The following CASD1 variants were observed in gnomAD, a reference collection of about 807,000 sequenced individuals.
The protein encoded by CASD1 is N-acetylneuraminate (7)9-O-acetyltransferase.
Under a neutral mutation model 100.0 loss-of-function variants are expected in CASD1, and 41 were observed. That is an observed-to-expected ratio of 0.41 (90% CI 0.32 to 0.53). The LOEUF (loss-of-function observed/expected upper bound fraction) is 0.53, where lower values mean the gene tolerates loss of function less well. Ranked by LOEUF, CASD1 falls within the 20% of genes least tolerant of loss-of-function variation. CASD1 has a pLI of 0.25. For missense variants in CASD1, 774 were observed against 948.7 expected (o/e 0.82, Z 2.42); for synonymous variants, 321 against 315.6 (o/e 1.02, Z -0.18).
At chr7:94,606,858 A>G in the CASD1 span, among the ~76,000 whole-genome samples, 1 of 152,198 alleles carries the variant, frequency 6.6e-6, no homozygotes, top group African/African-American at 2.4e-5. Flanking sequence ...GACTTCAAAA[A>G]TTGCACATGG....
At chr7:94,521,474 G>A (rs1794265319) in intron 3 of CASD1, among the ~76,000 whole-genome samples, 1 of 152,118 alleles carries the variant, frequency 6.6e-6, no homozygotes, top group Admixed American at 6.5e-5. Context: ...CAATTAAAGT[G>A]TTCTAATGTA....
the CASD1 span, chr7:94,586,418 T>C: frequency 2.0e-5 from 3 of 152,200 alleles, no homozygotes; most frequent in East Asian, 5.8e-4. Flanking sequence ...TTCATTTAAA[T>C]GAACAGAATG....
chr7:94,580,464 TTTTC>T, the CASD1 span, among the ~76,000 whole-genome samples: 1 of 152,200 alleles, frequency 6.6e-6, no homozygotes, highest in Admixed American at 6.5e-5. Flanking sequence ...CATCTTAGCA[TTTTC>T]TTTCTTTGAC....
At chr7:94,613,127 C>T in the CASD1 span, among the ~76,000 whole-genome samples, 1 of 152,134 alleles carries the variant, frequency 6.6e-6, no homozygotes, top group Non-Finnish European at 1.5e-5. Context: ...TAAAAACAAA[C>T]GGAACACAGA....
At chr7:94,601,765 A>C in the CASD1 span, among the ~76,000 whole-genome samples, 405 of 152,194 alleles carry the variant, frequency 2.7e-3, 1 homozygote, top group Non-Finnish European at 5.0e-3. Flanking sequence ...AAAAATGAGA[A>C]CTAAATATGA....
At chr7:94,554,385 A>C in intron 16 of CASD1, 98 bp from the exon 17 acceptor site, 1 of 751,354 alleles carries the variant, frequency 1.3e-6, no homozygotes, top group Non-Finnish European at 2.1e-6. Flanking sequence ...TCAAGTTCAC[A>C]AACATAAAGA....
the CASD1 span, among the ~76,000 whole-genome samples, chr7:94,573,525 G>C: frequency 1.3e-5 from 2 of 152,162 alleles, no homozygotes; most frequent in Non-Finnish European, 2.9e-5. Context: ...TTGGCTCCTG[G>C]CTTGGCTGTT....
chr7:94,520,002 A>G (rs1222172027), intron 3 of CASD1, among the ~76,000 whole-genome samples: 1 of 152,238 alleles, frequency 6.6e-6, no homozygotes, highest in Non-Finnish European at 1.5e-5. Flanking sequence ...CCTAGTTGCA[A>G]CACTTAGGTT....
At chr7:94,517,750 T>C in intron 2 of CASD1, 94 bp downstream of exon 2, 2 of 739,466 alleles carry the variant, frequency 2.7e-6, no homozygotes, top group Non-Finnish European at 4.6e-6. Context: ...CATCTCTATG[T>C]TGGGGTAGAG....
chr7:94,627,928 A>G, the CASD1 span: 1 of 377,538 alleles, frequency 2.6e-6, no homozygotes, highest in East Asian at 4.9e-5. Context: ...ATTTTCTCAA[A>G]TAGAATTCAT....
At chr7:94,614,415 A>T in the CASD1 span, among the ~76,000 whole-genome samples, 10 of 152,150 alleles carry the variant, frequency 6.6e-5, no homozygotes, top group African/African-American at 2.4e-4. Context: ...ACAGGTCCCT[A>T]ATGCTTCAGG....
rs1300604427 is a variant in CASD1 at position 94,517,462 on chromosome 7, T to C, written c.134-98T>C. Reference sequence around the variant, plus strand: ...GGCGGTACAGTGAAACAGAGAAAACTCTACTTTTTTATTTCAAGGAACTTA... The same window carrying C: ...GGCGGTACAGTGAAACAGAGAAAACCCTACTTTTTTATTTCAAGGAACTTA... On this transcript the variant is annotated intron_variant, in intron 1 of 17. Transcript: ENST00000297273. 7.3e-6 allele frequency: 5 copies of C among 684,786 alleles called. No homozygotes were observed. The Admixed American group carries it at 1.3e-4, about 18-fold the overall frequency. The allele number at this position is 684,786 out of a possible 1,614,324, so 42.4% of individuals were successfully genotyped here.
intron 8 of CASD1, among the ~76,000 whole-genome samples, chr7:94,536,153 G>T (rs1453557131): frequency 6.6e-6 from 1 of 152,156 alleles, no homozygotes; most frequent in African/African-American, 2.4e-5. Context: ...TGAGGCAGAA[G>T]AATTGCTTGA....
At position 94,555,561 on chromosome 7, in the gene CASD1, A is replaced by G. The variant is rs779498871; in HGVS notation, c.2197A>G (p.Asn733Asp). The G allele has an allele frequency of 1.2e-6, 2 of 1,613,330 alleles. No homozygotes were observed. The highest frequency in any genetic ancestry group is 1.7e-6 in the Non-Finnish European group (2 of 1,179,626). The change falls in exon 18 of 18, where the codon AAC (asparagine) becomes GAC (aspartate). Residue 733 changes from asparagine to aspartate, a missense_variant. Around this residue, in one of 5 missense-constraint regions of CASD1, gnomAD observed 175 missense variants for 206.9 expected, o/e 0.85. Transcript: ENST00000297273. ...TRGILVLIPG[N>D]PMLNIIVSTF... Reference sequence around the variant, plus strand: ...GGGTATCTTGGTACTGATACCTGGAAACCCTATGCTCAACATCATTGTCAG... The same window carrying G: ...GGGTATCTTGGTACTGATACCTGGAGACCCTATGCTCAACATCATTGTCAG...
At chr7:94,620,975 G>C in the CASD1 span, 3 of 152,206 alleles carry the variant, frequency 2.0e-5, no homozygotes, top group Non-Finnish European at 4.4e-5. Flanking sequence ...CAGATTGGTG[G>C]CAGGCCTCTG....
chr7:94,526,053 A>G (rs1367889745), intron 3 of CASD1, among the ~76,000 whole-genome samples: 1 of 152,176 alleles, frequency 6.6e-6, no homozygotes, highest in African/African-American at 2.4e-5. Context: ...GGCTATTTAT[A>G]TACTGTTTTC....
intron 16 of CASD1, 95 bp downstream of exon 16, chr7:94,552,522 T>C (rs1340220738): frequency 9.6e-6 from 8 of 834,196 alleles, no homozygotes; most frequent in Admixed American, 2.6e-5. Flanking sequence ...CTCCAGAAAA[T>C]GTAGAGAAGT....
At chr7:94,617,919 A>G in the CASD1 span, 1 of 152,198 alleles carries the variant, frequency 6.6e-6, no homozygotes, top group African/African-American at 2.4e-5. Flanking sequence ...TTCCAGGATT[A>G]TGGGCGAAGA....
downstream of CASD1, among the ~76,000 whole-genome samples, chr7:94,561,087 A>G (rs1257406089): frequency 6.6e-6 from 1 of 152,084 alleles, no homozygotes; most frequent in East Asian, 1.9e-4. Context: ...CTCTACTAAA[A>G]ATACAAAAAA....
Sources: allele counts gnomAD v4.1 joint callset (sites outside exome capture counted in the v4.1 genomes callset), GRCh38; gene constraint gnomAD v4.1.1; regional missense constraint gnomAD v4.1.1; transcripts MANE v1.5; gene names NCBI Gene and HGNC (gene_info 2026-07-23, HGNC 2026-07-21).